The following FOXN3 variants were observed in gnomAD, a reference collection of about 807,000 sequenced individuals.
FOXN3 encodes forkhead box protein N3.
A neutral mutation model predicts 38.4 loss-of-function variants in FOXN3; 7 were observed. The observed-to-expected ratio is 0.18, with a 90% CI of 0.10 to 0.34. The LOEUF is 0.34. FOXN3 is among the 10% of genes least tolerant of loss of function. FOXN3 has a pLI of 1.00. For synonymous variants in FOXN3, 230 were observed against 242.2 expected, an observed-to-expected ratio of 0.95 and a Z score of 0.47; for missense variants, 456 against 613.4, an observed-to-expected ratio of 0.74 and a Z score of 2.71.
intron 4 of FOXN3, among the ~76,000 whole-genome samples, chr14:89,215,639 T>C (rs912187158): frequency 1.1e-4 from 17 of 152,170 alleles, no homozygotes; most frequent in Admixed American, 9.8e-4. Context: ...AGTCAGTTGT[T>C]TCTGGAAGCT....
intron 1 of FOXN3, among the ~76,000 whole-genome samples, chr14:89,614,910 G>A (rs756069061): frequency 8.9e-4 from 135 of 152,218 alleles, no homozygotes; most frequent in Non-Finnish European, 1.3e-3. Flanking sequence ...AAATGGAGGC[G>A]GATGCATTTA....
chr14:89,541,113 T>C (rs1487932234), intron 1 of FOXN3, among the ~76,000 whole-genome samples: 1 of 152,130 alleles, frequency 6.6e-6, no homozygotes, highest in Non-Finnish European at 1.5e-5. Context: ...ACCAGACAGA[T>C]CTCTCGCAAA....
chr14:89,196,664 C>T (rs891651776), intron 4 of FOXN3, among the ~76,000 whole-genome samples: 4 of 152,162 alleles, frequency 2.6e-5, no homozygotes, highest in Admixed American at 1.3e-4. Flanking sequence ...TGGGAGAATA[C>T]ACTATTGCCT....
intron 1 of FOXN3, among the ~76,000 whole-genome samples, chr14:89,617,328 A>G (rs1043351686): frequency 3.9e-5 from 6 of 152,242 alleles, no homozygotes; most frequent in African/African-American, 1.4e-4. Context: ...ATATTCTTAT[A>G]TGGTGCAGAA....
rs114621308 is a variant in FOXN3, at chr14:89,300,115, A to G, written c.681-19101T>C. ...CAACATTCAGCAGAAGTACCTCAAT[A>G]ATAAAGGCAAAAGTCACTATGACCT... On this transcript the variant is annotated intron_variant, in intron 3 of 5. Coordinates refer to ENST00000557258, the MANE Select transcript of FOXN3 (RefSeq NM_005197.4). Among the ~76,000 whole-genome samples, 462 of 152,234 alleles carry G rather than the reference A, an allele frequency of 3.0e-3. 5 individuals carry two copies. Among genetic ancestry groups the G allele is most frequent in the African/African-American group, 0.01 (423 of 41,530 alleles).
At chr14:89,588,772 T>A (rs141232929) in intron 1 of FOXN3, among the ~76,000 whole-genome samples, 3 of 152,188 alleles carry the variant, frequency 2.0e-5, no homozygotes, top group Non-Finnish European at 4.4e-5. Context: ...GCTGTCTTCA[T>A]GAAGAAGGAT....
Position 89,156,622 on chromosome 14 carries a change from G to A in FOXN3, c.*5792C>T, listed in dbSNP as rs992439154. The A allele has an allele frequency of 1.3e-5, 2 of 151,224 alleles. No individual in the cohort carries two copies. The highest frequency in any genetic ancestry group is 2.9e-5 in the Non-Finnish European group (2 of 67,930). The allele number at this position is 151,224 out of a possible 1,614,324, so 9.4% of individuals were successfully genotyped here. On this transcript the variant is annotated 3_prime_UTR_variant, in exon 6 of 6. Transcript: ENST00000557258. ...TCAATAGTAAACCTCTTGGTCTTCT[G>A]ATTGCTTTATCACTTTTTTTTTTTT...
At chr14:89,527,678 C>A (rs1196303058) in intron 1 of FOXN3, among the ~76,000 whole-genome samples, 2 of 151,426 alleles carry the variant, frequency 1.3e-5, no homozygotes, top group Admixed American at 1.3e-4. Context: ...TGAGATATTA[C>A]CATTACATTC....
intron 1 of FOXN3, among the ~76,000 whole-genome samples, chr14:89,443,969 A>C (rs1293675642): frequency 7.5e-6 from 1 of 132,590 alleles, no homozygotes; most frequent in Non-Finnish European, 1.5e-5. Flanking sequence ...AGATCATGCC[A>C]TTGCATTCCA....
At chr14:89,610,849 T>G (rs185771718) in intron 1 of FOXN3, among the ~76,000 whole-genome samples, 1 of 152,248 alleles carries the variant, frequency 6.6e-6, no homozygotes, top group East Asian at 1.9e-4. Context: ...TTTGTGCATA[T>G]GTCTTTGGCA....
At chr14:89,246,325 C>G (rs952170414) in intron 4 of FOXN3, among the ~76,000 whole-genome samples, 5 of 151,964 alleles carry the variant, frequency 3.3e-5, no homozygotes, top group South Asian at 2.1e-4. Flanking sequence ...TATATTTTCC[C>G]GGGGCATGAT....
intron 3 of FOXN3, among the ~76,000 whole-genome samples, chr14:89,299,504 G>A (rs931720971): frequency 2.0e-5 from 3 of 152,184 alleles, no homozygotes; most frequent in African/African-American, 7.2e-5. Context: ...CACTCCTGAG[G>A]AGCTGAAACC....
intron 1 of FOXN3, among the ~76,000 whole-genome samples, chr14:89,567,723 T>C (rs1033925916): frequency 2.4e-4 from 3 of 12,528 alleles, no homozygotes; most frequent in Non-Finnish European, 5.0e-4. Context: ...TCTCGTTGAT[T>C]TTTTTTTTTT....
intron 4 of FOXN3, among the ~76,000 whole-genome samples, chr14:89,267,535 T>C (rs1886021832): frequency 6.6e-6 from 1 of 152,200 alleles, no homozygotes. Context: ...GCCTTTGCAT[T>C]TCTCTCATTA....
chr14:89,567,860 T>C (rs1050811691), intron 1 of FOXN3, among the ~76,000 whole-genome samples: 3 of 151,730 alleles, frequency 2.0e-5, no homozygotes, highest in Admixed American at 6.6e-5. Flanking sequence ...GTAGCTGGGA[T>C]TACAGGTGCC....
intron 4 of FOXN3, among the ~76,000 whole-genome samples, chr14:89,250,782 G>A (rs1274113022): frequency 6.6e-6 from 1 of 152,202 alleles, no homozygotes; most frequent in African/African-American, 2.4e-5. Context: ...TCATGAGGGT[G>A]GGTCTTTCCC....
At chr14:89,527,681 T>C (rs1481330787) in intron 1 of FOXN3, among the ~76,000 whole-genome samples, 1 of 151,342 alleles carries the variant, frequency 6.6e-6, no homozygotes, top group African/African-American at 2.4e-5. Context: ...GATATTACCA[T>C]TACATTCCTA....
At chr14:89,506,308 C>T (rs1233017556) in intron 1 of FOXN3, among the ~76,000 whole-genome samples, 1 of 92,502 alleles carries the variant, frequency 1.1e-5, no homozygotes, top group African/African-American at 3.1e-5. Context: ...GCCAGCCGCC[C>T]CGTCCGGGAG....
chr14:89,392,696 A>G (rs1019929322), intron 2 of FOXN3, among the ~76,000 whole-genome samples: 1 of 147,990 alleles, frequency 6.8e-6, no homozygotes, highest in African/African-American at 2.5e-5. Flanking sequence ...GCTGGAGTAC[A>G]GAGGTGCAAT....
Sources: allele counts gnomAD v4.1 joint callset (sites outside exome capture counted in the v4.1 genomes callset), GRCh38; gene constraint gnomAD v4.1.1; transcripts MANE v1.5; gene names NCBI Gene and HGNC (gene_info 2026-07-23, HGNC 2026-07-21).